Variants in FSTL4 observed in about 807,000 individuals in gnomAD.
FSTL4 encodes the protein follistatin like 4, also known as follistatin-related protein 4.
Under a neutral mutation model 78.2 loss-of-function variants are expected in FSTL4, and 28 were observed. The ratio of observed to expected loss-of-function variants is 0.36; its 90% CI spans 0.27 to 0.49. The LOEUF (loss-of-function observed/expected upper bound fraction) is 0.49, where lower values mean the gene tolerates loss of function less well. Ranked by LOEUF, FSTL4 falls within the 20% of genes least tolerant of loss-of-function variation. The pLI is 0.98. For synonymous variants in FSTL4, 422 were observed against 440.5 expected (o/e 0.96, Z 0.53); for missense variants, 922 against 1,084.9 (o/e 0.85, Z 2.11).
chr5:133,745,760 T>C, the FSTL4 span, among the ~76,000 whole-genome samples: 1 of 152,342 alleles, frequency 6.6e-6, no homozygotes, highest in East Asian at 1.9e-4. Context: ...TTGTTAAAAC[T>C]ACGAACTGTC....
intron 3 of FSTL4, among the ~76,000 whole-genome samples, chr5:133,500,946 GAA>G (rs111455708): frequency 1.4e-5 from 2 of 146,160 alleles, no homozygotes; most frequent in Non-Finnish European, 3.0e-5. Flanking sequence ...TTTGCTTCAT[GAA>G]AAAAAAAAAA....
chr5:133,738,751 A>C, the FSTL4 span, among the ~76,000 whole-genome samples: 1 of 152,290 alleles, frequency 6.6e-6, no homozygotes, highest in South Asian at 2.1e-4. Flanking sequence ...AAGTGACCAC[A>C]ACATGGACAG....
chr5:133,381,530 C>G (rs1294134753), intron 4 of FSTL4, among the ~76,000 whole-genome samples: 1 of 152,120 alleles, frequency 6.6e-6, no homozygotes, highest in African/African-American at 2.4e-5. Flanking sequence ...ACAGAACGGA[C>G]AGTGGTCACC....
chr5:133,391,494 G>A (rs547065765), intron 4 of FSTL4, among the ~76,000 whole-genome samples: 13 of 152,284 alleles, frequency 8.5e-5, no homozygotes, highest in Admixed American at 8.5e-4. Flanking sequence ...CCTCATCAAG[G>A]CCACTTTTGG....
chr5:133,279,190 C>A (rs952255472), intron 6 of FSTL4, among the ~76,000 whole-genome samples: 1 of 152,224 alleles, frequency 6.6e-6, no homozygotes, highest in African/African-American at 2.4e-5. Flanking sequence ...GGTCCATGGC[C>A]TGTTAGGAGC....
chr5:133,493,555 G>A (rs888215158), intron 3 of FSTL4, among the ~76,000 whole-genome samples: 4 of 152,214 alleles, frequency 2.6e-5, no homozygotes, highest in African/African-American at 9.6e-5. Context: ...TCAGCCTTAA[G>A]TAGAATCCTT....
chr5:133,590,560 CCCCT>C (rs1290733452), intron 2 of FSTL4, among the ~76,000 whole-genome samples: 8 of 152,044 alleles, frequency 5.3e-5, no homozygotes, highest in African/African-American at 1.7e-4. Context: ...TCCCATGTAA[CCCCT>C]CTTTCTTTCC....
the FSTL4 span, among the ~76,000 whole-genome samples, chr5:133,741,662 C>T: frequency 2.0e-5 from 3 of 152,164 alleles, no homozygotes. Context: ...CCTCTCTGCC[C>T]AAGTGGGAAA....
At chr5:133,433,293 C>T (rs930940515) in intron 3 of FSTL4, among the ~76,000 whole-genome samples, 1 of 152,170 alleles carries the variant, frequency 6.6e-6, no homozygotes. Context: ...ACCTGCCTGT[C>T]CATATTAGTG....
At chr5:133,783,020 C>T in the FSTL4 span, among the ~76,000 whole-genome samples, 1 of 152,216 alleles carries the variant, frequency 6.6e-6, no homozygotes, top group Non-Finnish European at 1.5e-5. Flanking sequence ...CAATTCTCAG[C>T]ACCGTCACCA....
At chr5:133,353,857 C>T (rs1332243211) in intron 4 of FSTL4, among the ~76,000 whole-genome samples, 4 of 152,174 alleles carry the variant, frequency 2.6e-5, no homozygotes, top group Admixed American at 6.5e-5. Context: ...CTTTGAGCAG[C>T]GGCAGGAGCC....
intron 2 of FSTL4, among the ~76,000 whole-genome samples, chr5:133,574,589 C>T (rs930253572): frequency 6.6e-6 from 1 of 152,172 alleles, no homozygotes; most frequent in East Asian, 1.9e-4. Context: ...AACAATTTAA[C>T]TCCTAAGTAA....
At chr5:133,629,875 A>C in the FSTL4 span, among the ~76,000 whole-genome samples, 1 of 152,260 alleles carries the variant, frequency 6.6e-6, no homozygotes, top group Admixed American at 6.5e-5. Context: ...CCATCACATG[A>C]ACAGAACCAA....
At chr5:133,436,480 T>C (rs971387237) in intron 3 of FSTL4, among the ~76,000 whole-genome samples, 2 of 152,148 alleles carry the variant, frequency 1.3e-5, no homozygotes, top group African/African-American at 2.4e-5. Context: ...GGTCAGACCA[T>C]GCAGGATCTT....
chr5:133,230,687 CCA>C (rs1205457171), intron 8 of FSTL4, among the ~76,000 whole-genome samples: 1 of 152,164 alleles, frequency 6.6e-6, no homozygotes, highest in Non-Finnish European at 1.5e-5. Context: ...CTGCGTCTCC[CCA>C]GTTTTGCCCC....
intron 3 of FSTL4, among the ~76,000 whole-genome samples, chr5:133,415,358 G>C (rs933776163): frequency 5.3e-5 from 8 of 152,188 alleles, no homozygotes; most frequent in African/African-American, 1.7e-4. Flanking sequence ...GTCATTCTAA[G>C]TACTGGCTCA....
the FSTL4 span, among the ~76,000 whole-genome samples, chr5:133,717,981 A>G: frequency 6.6e-6 from 1 of 152,184 alleles, no homozygotes; most frequent in Non-Finnish European, 1.5e-5. Flanking sequence ...AAACTGCCCA[A>G]CTGTTTTACA....
the FSTL4 span, among the ~76,000 whole-genome samples, chr5:133,820,336 C>T: frequency 6.6e-6 from 1 of 152,202 alleles, no homozygotes; most frequent in Admixed American, 6.5e-5. Context: ...GGCAAATTCC[C>T]ACATTTGTGA....
At chr5:133,833,111 C>T in the FSTL4 span, among the ~76,000 whole-genome samples, 2 of 152,228 alleles carry the variant, frequency 1.3e-5, no homozygotes, top group African/African-American at 4.8e-5. Flanking sequence ...TCCCCTCTCC[C>T]TGCTGAGACA....
Sources: allele counts gnomAD v4.1 joint callset (sites outside exome capture counted in the v4.1 genomes callset), GRCh38; gene constraint gnomAD v4.1.1; transcripts MANE v1.5; gene names NCBI Gene and HGNC (gene_info 2026-07-23, HGNC 2026-07-21).